The following SH3RF3 variants were observed in gnomAD, a reference collection of about 807,000 sequenced individuals.
SH3RF3 encodes SH3 domain containing ring finger 3.
In SH3RF3, 29 loss-of-function variants were observed where a neutral mutation model predicts 66.3. The ratio of observed to expected loss-of-function variants is 0.44; its 90% confidence interval spans 0.33 to 0.60. The LOEUF (loss-of-function observed/expected upper bound fraction) is 0.60. Among genes scored for constraint, SH3RF3 ranks in the 20% least tolerant of loss-of-function variants. The probability of loss-of-function intolerance (pLI) is 0.04; values close to 1 mark genes in which losing one functional copy is unlikely to be tolerated. For missense variants in SH3RF3, 1,194 were observed against 1,190.9 expected (o/e 1.00, Z -0.04); for synonymous variants, 583 against 532.0 (o/e 1.10, Z -1.32).
In SH3RF3 at chr2:109,419,542, G is replaced by A; in HGVS notation, c.1303G>A (p.Val435Ile). The change falls in exon 5 of 10, where the codon GTC becomes ATC. Residue 435 changes from valine (V) to isoleucine (I), a missense_variant. Coordinates refer to ENST00000309415, the MANE Select transcript of SH3RF3 (RefSeq NM_001099289.3). ...HLSCAAPTQDVSSSAGSTPTA... is the reference protein window; with the variant it reads ...HLSCAAPTQDISSSAGSTPTA... ...GTCCCCTCTTGTCTGTTTCCAGGAT[G>A]TCTCCTCCTCGGCGGGATCTACCCC... 1 of 1,593,480 alleles carries A rather than the reference G, an allele frequency of 6.3e-7. No homozygotes were observed. The highest frequency in any genetic ancestry group is 8.5e-7 in the Non-Finnish European group (1 of 1,170,512).
At chr2:109,484,119 A>C (rs2104772584) in intron 8 of SH3RF3, among the ~76,000 whole-genome samples, 1 of 142,804 alleles carries the variant, frequency 7.0e-6, no homozygotes, top group African/African-American at 2.6e-5. Flanking sequence ...CCTAGGCTGG[A>C]GTGCAGTGGC....
chr2:109,270,181 C>T lies in SH3RF3; in HGVS notation c.574-77493C>T, dbSNP rs145234162. Reference sequence around the variant, plus strand: ...TTGGAGGAGTGTTTGGATTGATGATCAGCAAATTGGGGCAGCATGTGGCCT... The same window carrying T: ...TTGGAGGAGTGTTTGGATTGATGATTAGCAAATTGGGGCAGCATGTGGCCT... On this transcript the variant is annotated intron_variant, in intron 1 of 9. Coordinates refer to ENST00000309415, the MANE Select transcript of SH3RF3 (RefSeq NM_001099289.3). 5.9e-4 allele frequency among the ~76,000 whole-genome samples: 90 copies of T among 152,290 alleles called. 1 individual carries two copies. Among genetic ancestry groups the T allele is most frequent in the African/African-American group, 1.8e-3 (73 of 41,564 alleles).
chr2:109,462,664 T>C (rs1053416178), intron 8 of SH3RF3, among the ~76,000 whole-genome samples: 1 of 152,248 alleles, frequency 6.6e-6, no homozygotes, highest in Non-Finnish European at 1.5e-5. Flanking sequence ...CTGGCCTTTC[T>C]TGCATAACAG....
At chr2:109,341,281 C>T (rs1682547452) in intron 1 of SH3RF3, among the ~76,000 whole-genome samples, 1 of 152,216 alleles carries the variant, frequency 6.6e-6, no homozygotes, top group African/African-American at 2.4e-5. Context: ...AGTGTGATAA[C>T]AGTAACAAAC....
chr2:109,321,392 A>G (rs997893598), intron 1 of SH3RF3, among the ~76,000 whole-genome samples: 6 of 152,260 alleles, frequency 3.9e-5, no homozygotes, highest in African/African-American at 1.4e-4. Context: ...GATTAGGAGC[A>G]TTTGAAGTGG....
chr2:109,361,109 G>A (rs1035722780), intron 2 of SH3RF3, among the ~76,000 whole-genome samples: 1 of 152,122 alleles, frequency 6.6e-6, no homozygotes, highest in Non-Finnish European at 1.5e-5. Flanking sequence ...TTTAGCCTGT[G>A]GATATGATAG....
At chr2:109,299,498 G>A (rs774078648) in intron 1 of SH3RF3, among the ~76,000 whole-genome samples, 2 of 151,848 alleles carry the variant, frequency 1.3e-5, no homozygotes, top group Admixed American at 6.6e-5. Context: ...CTCCCATGAT[G>A]TACCCCTAGG....
chr2:109,185,091 T>G (rs982659645), intron 1 of SH3RF3, among the ~76,000 whole-genome samples: 2 of 152,218 alleles, frequency 1.3e-5, no homozygotes, highest in African/African-American at 4.8e-5. Context: ...ACCGTGGAGA[T>G]AGTAAAATGT....
intron 1 of SH3RF3, among the ~76,000 whole-genome samples, chr2:109,249,532 T>TTTCTTTTTCTTTCTTTCCTTCC (rs1680019798): frequency 2.1e-5 from 2 of 96,498 alleles, no homozygotes; most frequent in African/African-American, 9.2e-5. Context: ...TCTTTCTTTC[T>TTTCTTTTTCTTTCTTTCCTTCC]TTCCTTCCTT....
At position 109,342,026 on chromosome 2, in the gene SH3RF3, C is replaced by T. The variant is rs527498938; in HGVS notation, c.574-5648C>T. ...TGTATACAATTAGGGTCTCACCCGC[C>T]GGGGCCTATGGACGAATGTGTTCAT... On this transcript the variant is annotated intron_variant, in intron 1 of 9. Transcript: ENST00000309415. Among the ~76,000 whole-genome samples, 18 of 152,354 alleles carry T rather than the reference C, an allele frequency of 1.2e-4. No homozygotes were observed. In the East Asian group the frequency reaches 1.5e-3, roughly 13 times the overall value.
rs577922197 is a variant in SH3RF3, at chr2:109,188,675, G to A, written c.573+58562G>A. 2.0e-5 allele frequency among the ~76,000 whole-genome samples: 3 copies of A among 152,280 alleles called. No individual in the cohort carries two copies. The South Asian group carries it at 6.2e-4, about 32-fold the overall frequency. ...GAGGGCTGGAATGCAAAGCGCTTGG[G>A]TTTGCTCCTGACTTTGCAAGACCAC... On this transcript the variant is annotated intron_variant, in intron 1 of 9. Transcript: ENST00000309415.
chr2:109,421,396 C>A (rs1009044912), intron 5 of SH3RF3, among the ~76,000 whole-genome samples: 1 of 152,210 alleles, frequency 6.6e-6, no homozygotes, highest in Non-Finnish European at 1.5e-5. Context: ...CAGAGGGCTC[C>A]CCAGCTTGAG....
At chr2:109,160,567 A>G (rs1313928987) in intron 1 of SH3RF3, among the ~76,000 whole-genome samples, 2 of 152,194 alleles carry the variant, frequency 1.3e-5, no homozygotes, top group Non-Finnish European at 2.9e-5. Context: ...ATCTGATTCT[A>G]GCAGTAACTC....
intron 4 of SH3RF3, among the ~76,000 whole-genome samples, chr2:109,402,139 G>A (rs947608808): frequency 1.2e-4 from 19 of 152,226 alleles, no homozygotes; most frequent in Admixed American, 6.5e-5. Flanking sequence ...TGCTGCTATG[G>A]TCTGGATGTG....
chr2:109,446,322 C>A (rs1284940491), intron 7 of SH3RF3, among the ~76,000 whole-genome samples: 2 of 152,310 alleles, frequency 1.3e-5, no homozygotes, highest in East Asian at 3.9e-4. Flanking sequence ...TACAGAGCAC[C>A]TTCTACATGC....
rs899753227 is a variant in SH3RF3, at chr2:109,432,430, C to G, written c.1404-71C>G. On this transcript the variant is annotated intron_variant, in intron 5 of 9. Coordinates refer to ENST00000309415, the MANE Select transcript of SH3RF3 (RefSeq NM_001099289.3). ...GGGTTCCTCCAAAGACAACCTCCCC[C>G]CAGGAATGCCGGCCGGTCCCCTATC... 89 of 1,574,418 alleles carry G rather than the reference C, an allele frequency of 5.7e-5. 1 individual carries two copies. In the Middle Eastern group the frequency reaches 1.2e-3, roughly 22 times the overall value.
chr2:109,432,549 G>A lies in SH3RF3; in HGVS notation c.1452G>A (p.Glu484=). 1 of 1,613,708 alleles carries A rather than the reference G, an allele frequency of 6.2e-7. No homozygotes were observed. The highest frequency in any genetic ancestry group is 8.5e-7 in the Non-Finnish European group (1 of 1,179,800). Residue 484 remains glutamate (E), a synonymous_variant, in exon 6 of 10, where the codon GAG becomes GAA. Coordinates refer to ENST00000309415, the MANE Select transcript of SH3RF3 (RefSeq NM_001099289.3). Reference sequence around the variant, plus strand: ...AGCCCCAGAAGAGTGACGAGCTGGAGCTGCACAAGGGAGAGATGTACCGGG... The same window carrying A: ...AGCCCCAGAAGAGTGACGAGCTGGAACTGCACAAGGGAGAGATGTACCGGG... ...AYKPQKSDEL[E]LHKGEMYRVL...
intron 3 of SH3RF3, among the ~76,000 whole-genome samples, chr2:109,396,167 A>G (rs187987252): frequency 4.8e-4 from 73 of 152,326 alleles, no homozygotes; most frequent in Admixed American, 1.0e-3. Context: ...GGGTCCAGAA[A>G]GCTGGCTCCC....
intron 1 of SH3RF3, among the ~76,000 whole-genome samples, chr2:109,254,192 T>C (rs138226511): frequency 6.6e-6 from 1 of 152,140 alleles, no homozygotes; most frequent in African/African-American, 2.4e-5. Flanking sequence ...TCTGTTAGCA[T>C]TTTATAGACT....
Sources: gnomAD v4.1 joint callset for allele counts (sites outside exome capture counted in the v4.1 genomes callset) on GRCh38, gnomAD v4.1.1 for gene constraint, MANE v1.5 for transcripts, NCBI Gene and HGNC (gene_info 2026-07-23, HGNC 2026-07-21) for gene names.